KLHL20: variants seen among roughly 807,000 people sequenced by gnomAD.
KLHL20 encodes kelch-like protein 20.
In KLHL20, 29 loss-of-function variants were observed where a neutral mutation model predicts 69.5. That is an observed-to-expected ratio of 0.42 (90% confidence interval 0.31 to 0.57). The LOEUF is 0.57. Ranked by LOEUF, KLHL20 falls within the 20% of genes least tolerant of loss-of-function variation. The pLI, the probability that KLHL20 is intolerant of heterozygous loss-of-function variation, is 0.18. For synonymous variants in KLHL20, 253 were observed against 265.2 expected (o/e 0.95, Z 0.45); for missense variants, 419 against 776.0 (o/e 0.54, Z 5.47).
intron 3 of KLHL20, among the ~76,000 whole-genome samples, chr1:173,747,892 T>TA (rs143452132): frequency 0.062 from 8,456 of 136,746 alleles, 751 homozygotes; most frequent in African/African-American, 0.2. Context: ...AAGAGCTCTT[T>TA]AAAAAAAAAA....
chr1:173,738,138 A>G lies in KLHL20; in HGVS notation c.597+3852A>G, dbSNP rs534937314. Reference sequence around the variant, plus strand: ...AGTCTTTAGGGTTTTCTAGGTATACAATCATATTGTCGGCAAACAGCGACA... The same window carrying G: ...AGTCTTTAGGGTTTTCTAGGTATACGATCATATTGTCGGCAAACAGCGACA... On this transcript the variant is annotated intron_variant, in intron 3 of 11. Transcript: ENST00000209884. 2.3e-3 allele frequency among the ~76,000 whole-genome samples: 346 copies of G among 152,210 alleles called. 2 individuals are homozygous for G. The highest frequency in any genetic ancestry group is 3.4e-3 in the Non-Finnish European group (233 of 68,006).
At chr1:173,778,259 C>A (rs556600572) in intron 10 of KLHL20, among the ~76,000 whole-genome samples, 3 of 151,864 alleles carry the variant, frequency 2.0e-5, no homozygotes, top group Non-Finnish European at 4.4e-5. Flanking sequence ...GTGTGTTCCC[C>A]GCCCTGTGTC....
chr1:173,784,927 C>T (rs1571946666), intron 11 of KLHL20, among the ~76,000 whole-genome samples: 1 of 152,198 alleles, frequency 6.6e-6, no homozygotes. Flanking sequence ...ATTCTTCACA[C>T]AGCCTCCTAT....
intron 9 of KLHL20, among the ~76,000 whole-genome samples, chr1:173,774,787 TAC>T (rs1648345456): frequency 6.6e-6 from 1 of 152,146 alleles, no homozygotes. Flanking sequence ...AACTTAGAAC[TAC>T]AAATTCGTTT....
rs373520750 is a variant in KLHL20 at position 173,749,651 on chromosome 1, C to G, written c.598-2113C>G. Among the ~76,000 whole-genome samples the G allele has an allele frequency of 2.0e-3, 297 of 152,294 alleles. 1 individual carries two copies. Among genetic ancestry groups the G allele is most frequent in the African/African-American group, 6.7e-3 (279 of 41,576 alleles). On this transcript the variant is annotated intron_variant, in intron 3 of 11. Transcript: ENST00000209884. ...TATTTTCTCACCCAAATTTTCATAT[C>G]TTCATGTCATCTTGCGTTTCCATTA... is the stretch of plus-strand genomic sequence containing the variant.
At chr1:173,722,083 A>C (rs936389389) in intron 2 of KLHL20, among the ~76,000 whole-genome samples, 1 of 152,116 alleles carries the variant, frequency 6.6e-6, no homozygotes, top group African/African-American at 2.4e-5. Context: ...CTTTTCAAGA[A>C]GCACTTGTCA....
rs184984087 is a variant in KLHL20 at position 173,756,351 on chromosome 1, G to T, written c.967+313G>T. ...AGACCAGCCTGGGCAATATAGGGAG[G>T]CCCCATCTTTACAAAAAATAAGAAA... On this transcript the variant is annotated intron_variant, in intron 6 of 11. Coordinates refer to ENST00000209884, the MANE Select transcript of KLHL20 (RefSeq NM_014458.4). Among the ~76,000 whole-genome samples the T allele has an allele frequency of 6.7e-3, 1,027 of 152,184 alleles. 6 individuals carry two copies. Among genetic ancestry groups the T allele is most frequent in the Non-Finnish European group, 9.5e-3 (649 of 67,980 alleles).
In KLHL20 at chr1:173,766,308, C is replaced by G. The variant is rs1308784443; in HGVS notation, c.1295+19C>G. 1.9e-6 allele frequency: 3 copies of G among 1,562,690 alleles called. No homozygotes were observed. In the Admixed American group the frequency reaches 6.2e-5, roughly 32 times the overall value. ...TTGAGAGGTGATCTTTTTTTTAAGT[C>G]ATTTTCCGTATTTTTATTTTAAAGA... On this transcript the variant is annotated intron_variant, in intron 8 of 11. Transcript: ENST00000209884.
At chr1:173,717,294 A>G (rs1671512747) in intron 2 of KLHL20, among the ~76,000 whole-genome samples, 1 of 152,206 alleles carries the variant, frequency 6.6e-6, no homozygotes, top group Non-Finnish European at 1.5e-5. Flanking sequence ...AGTAGTCTAT[A>G]TAAAATATTT....
chr1:173,733,667 T>C (rs753349192), intron 2 of KLHL20, 46 bp from the exon 3 acceptor site: 2 of 1,379,812 alleles, frequency 1.4e-6, no homozygotes, highest in Non-Finnish European at 2.0e-6. Flanking sequence ...GAAAAGAGCT[T>C]ATAATAATAC....
intron 8 of KLHL20, among the ~76,000 whole-genome samples, chr1:173,770,835 T>TA (rs1648046939): frequency 6.6e-6 from 1 of 152,098 alleles, no homozygotes; most frequent in South Asian, 2.1e-4. Flanking sequence ...CTAAGAACTA[T>TA]AATCCAAAGT....
chr1:173,718,026 T>C (rs1300507185), intron 2 of KLHL20, among the ~76,000 whole-genome samples: 1 of 152,168 alleles, frequency 6.6e-6, no homozygotes, highest in East Asian at 1.9e-4. Context: ...AGCAGTTTCT[T>C]ATGCATTCTT....
intron 2 of KLHL20, among the ~76,000 whole-genome samples, chr1:173,717,222 T>TA (rs1254504277): frequency 6.6e-6 from 1 of 152,224 alleles, no homozygotes; most frequent in Non-Finnish European, 1.5e-5. Context: ...ATATAATTGC[T>TA]AAAATAAGAG....
intron 7 of KLHL20, among the ~76,000 whole-genome samples, chr1:173,761,192 T>C (rs79482376): frequency 0.09 from 13,726 of 152,134 alleles, 2,007 homozygotes; most frequent in African/African-American, 0.31. Flanking sequence ...TATCATAGTC[T>C]TAAACATACA....
chr1:173,770,696 A>G (rs377509171), intron 8 of KLHL20, among the ~76,000 whole-genome samples: 197 of 149,630 alleles, frequency 1.3e-3, no homozygotes, highest in Middle Eastern at 0.01. Context: ...AAAAAAAGAG[A>G]GAGGAAAAAA....
At chr1:173,766,859 G>A (rs9425733) in intron 8 of KLHL20, among the ~76,000 whole-genome samples, 1,805 of 152,032 alleles carry the variant, frequency 0.012, 45 homozygotes, top group African/African-American at 0.042. Flanking sequence ...TATAGGTTGC[G>A]GAATGGCTAA....
chr1:173,730,683 C>G (rs976801357), intron 2 of KLHL20, among the ~76,000 whole-genome samples: 110 of 152,338 alleles, frequency 7.2e-4, no homozygotes, highest in African/African-American at 2.5e-3. Flanking sequence ...AAACCTGAAA[C>G]TGGATCCCTT....
intron 3 of KLHL20, chr1:173,741,529 T>C (rs934552676): frequency 5.1e-6 from 2 of 391,174 alleles, no homozygotes; most frequent in African/African-American, 4.1e-5. Flanking sequence ...GAAGATAAAA[T>C]TGATAGATTT....
Position 173,758,551 on chromosome 1 carries a change from G to GC in KLHL20, c.1151+1396dup, listed in dbSNP as rs550298153. The stretch of plus-strand genomic sequence containing the variant: ...GGGAGAAACCCCAAATATTGGGAGT[G>GC]CCCCAACTGCAGAAATGGGAAAGGG... On this transcript the variant is annotated intron_variant, in intron 7 of 11. Coordinates refer to ENST00000209884, the MANE Select transcript of KLHL20 (RefSeq NM_014458.4). 1.9e-3 allele frequency among the ~76,000 whole-genome samples: 295 copies of GC among 152,296 alleles called. 1 individual carries two copies. Among genetic ancestry groups the GC allele is most frequent in the African/African-American group, 6.7e-3 (277 of 41,556 alleles).
Sources: gnomAD v4.1 joint callset for allele counts (sites outside exome capture counted in the v4.1 genomes callset) on GRCh38, gnomAD v4.1.1 for gene constraint, MANE v1.5 for transcripts, NCBI Gene and HGNC (gene_info 2026-07-23, HGNC 2026-07-21) for gene names.